The following ALDH1A1 variants were observed in gnomAD, a reference collection of about 807,000 sequenced individuals.
The protein encoded by ALDH1A1 is aldehyde dehydrogenase 1A1.
A neutral mutation model predicts 62.1 loss-of-function variants in ALDH1A1; 19 were observed. The ratio of observed to expected loss-of-function variants is 0.31; its 90% confidence interval spans 0.21 to 0.45. The LOEUF is 0.45. Among genes scored for constraint, ALDH1A1 ranks in the 20% least tolerant of loss-of-function variants. ALDH1A1 has a pLI of 1.00. For synonymous variants in ALDH1A1, 231 were observed against 215.9 expected (o/e 1.07, Z -0.61); for missense variants, 521 against 607.1 (o/e 0.86, Z 1.49).
intron 4 of ALDH1A1, 89 bp downstream of exon 4, chr9:72,928,803 C>A: frequency 7.3e-7 from 1 of 1,370,560 alleles, no homozygotes; most frequent in South Asian, 2.1e-5. Flanking sequence ...TGGTTGACAT[C>A]TTTAAAAGGG....
intron 1 of ALDH1A1, among the ~76,000 whole-genome samples, chr9:72,942,082 G>GA (rs1830421527): frequency 6.6e-6 from 1 of 152,062 alleles, no homozygotes; most frequent in Non-Finnish European, 1.5e-5. Context: ...TATCTTTTGG[G>GA]AAAAAACACT....
At chr9:72,940,054 A>G in intron 2 of ALDH1A1, 94 bp downstream of exon 2, 1 of 832,344 alleles carries the variant, frequency 1.2e-6, no homozygotes, top group Non-Finnish European at 1.9e-6. Context: ...TTTTCATGGC[A>G]TGTCTTTTGG....
chr9:72,939,995 G>A (rs200571170), intron 2 of ALDH1A1, among the ~76,000 whole-genome samples, 153 bp downstream of exon 2: 1 of 110,244 alleles, frequency 9.1e-6, no homozygotes, highest in Non-Finnish European at 1.9e-5. Context: ...TTTTTTTTTG[G>A]TAACAAGGAC....
At chr9:72,911,472 T>C (rs1024785212) in intron 10 of ALDH1A1, among the ~76,000 whole-genome samples, 1 of 152,132 alleles carries the variant, frequency 6.6e-6, no homozygotes. Context: ...CTCCTCCTAA[T>C]TGAAAGTTTG....
chr9:72,905,135 A>T (rs1829861677), intron 12 of ALDH1A1, among the ~76,000 whole-genome samples: 1 of 152,166 alleles, frequency 6.6e-6, no homozygotes, highest in African/African-American at 2.4e-5. Flanking sequence ...GAGCAAGTTT[A>T]CGATCTGTGT....
At chr9:72,936,362 G>C (rs1049831947) in intron 2 of ALDH1A1, among the ~76,000 whole-genome samples, 3 of 152,178 alleles carry the variant, frequency 2.0e-5, no homozygotes, top group African/African-American at 7.2e-5. Context: ...AGTGGCAAAG[G>C]TCGATGTTCA....
chr9:72,941,705 A>G (rs1448776376), intron 1 of ALDH1A1, among the ~76,000 whole-genome samples: 1 of 152,208 alleles, frequency 6.6e-6, no homozygotes, highest in African/African-American at 2.4e-5. Flanking sequence ...ACGTTCTGCA[A>G]ATGAATACTC....
At chr9:72,952,708 C>A (rs1830557601) in intron 1 of ALDH1A1, among the ~76,000 whole-genome samples, 1 of 151,908 alleles carries the variant, frequency 6.6e-6, no homozygotes, top group African/African-American at 2.4e-5. Flanking sequence ...AAGAGAATTC[C>A]TTTCGCTTGG....
intron 2 of ALDH1A1, among the ~76,000 whole-genome samples, chr9:72,935,615 A>C (rs563295188): frequency 5.3e-5 from 8 of 152,354 alleles, no homozygotes; most frequent in Admixed American, 2.6e-4. Context: ...TATTAAAAGC[A>C]GTTTTCAGGA....
At chr9:72,921,503 C>CTTTTTTTTTTT (rs11327072) in intron 7 of ALDH1A1, among the ~76,000 whole-genome samples, 1 of 109,506 alleles carries the variant, frequency 9.1e-6, no homozygotes, top group Non-Finnish European at 1.8e-5. Context: ...ACATTTAATT[C>CTTTTTTTTTTT]TTTTTTTTTT....
At chr9:72,917,834 A>G (rs368688609) in intron 8 of ALDH1A1, among the ~76,000 whole-genome samples, 2 of 152,236 alleles carry the variant, frequency 1.3e-5, no homozygotes, top group Admixed American at 1.3e-4. Context: ...CTGAAGATTC[A>G]ATTCAATGTT....
At chr9:72,929,236 AC>A (rs949894897) in intron 3 of ALDH1A1, among the ~76,000 whole-genome samples, 12 of 152,162 alleles carry the variant, frequency 7.9e-5, no homozygotes, top group African/African-American at 2.9e-4. Flanking sequence ...TGATTTCTAA[AC>A]CCCAGTGCTC....
chr9:72,901,383 G>A (rs990292515), intron 12 of ALDH1A1, 103 bp from the exon 13 acceptor site: 6 of 725,078 alleles, frequency 8.3e-6, no homozygotes, highest in African/African-American at 7.0e-5. Context: ...TACTGGCTAG[G>A]GACAATAGAA....
At chr9:72,910,636 A>C (rs966940392) in intron 10 of ALDH1A1, among the ~76,000 whole-genome samples, 16 of 152,320 alleles carry the variant, frequency 1.1e-4, no homozygotes, top group South Asian at 4.1e-4. Flanking sequence ...AAGCTCCTGC[A>C]TTTCAATAAA....
intron 7 of ALDH1A1, among the ~76,000 whole-genome samples, chr9:72,923,129 AGCTAGTTCTAGTACCCATT>A (rs1176373237): frequency 6.6e-6 from 1 of 152,150 alleles, no homozygotes; most frequent in Non-Finnish European, 1.5e-5. Context: ...CAAAACCCAG[AGCTAGTTCTAGTACCCATT>A]TGGACATCAT....
intron 7 of ALDH1A1, among the ~76,000 whole-genome samples, chr9:72,919,180 G>A (rs951986353): frequency 1.3e-5 from 2 of 152,128 alleles, no homozygotes; most frequent in African/African-American, 2.4e-5. Flanking sequence ...TATAGAACAC[G>A]GATAAGTGAT....
Position 72,909,223 on chromosome 9 carries a change from A to C in ALDH1A1, c.1358+379T>G, listed in dbSNP as rs1206309149. 9.7e-5 allele frequency among the ~76,000 whole-genome samples: 12 copies of C among 124,234 alleles called. No homozygotes were observed. The East Asian group carries it at 3.1e-3, about 32-fold the overall frequency. The allele number at this position is 124,234 out of a possible 152,430, so 81.5% of individuals were successfully genotyped here. ...GTTGCTGAGGCTAGAGTGCAATGGC[A>C]TGATCTCGGCTCACTGCAACCTCCG... On this transcript the variant is annotated intron_variant, in intron 11 of 12. Coordinates refer to ENST00000297785, the MANE Select transcript of ALDH1A1 (RefSeq NM_000689.5).
intron 10 of ALDH1A1, 60 bp downstream of exon 10, chr9:72,911,898 A>G: frequency 1.3e-6 from 2 of 1,576,014 alleles, no homozygotes; most frequent in South Asian, 2.2e-5. Context: ...GACACTTTGT[A>G]TACACACAAA....
intron 2 of ALDH1A1, among the ~76,000 whole-genome samples, chr9:72,937,457 G>A (rs1830359075): frequency 6.6e-6 from 1 of 151,614 alleles, no homozygotes; most frequent in South Asian, 2.1e-4. Flanking sequence ...CATGACTGAA[G>A]GTTTAGGATA....
Sources: allele counts gnomAD v4.1 joint callset (sites outside exome capture counted in the v4.1 genomes callset), GRCh38; gene constraint gnomAD v4.1.1; transcripts MANE v1.5; gene names NCBI Gene and HGNC (gene_info 2026-07-23, HGNC 2026-07-21).